PRKG1: variants seen among roughly 807,000 people sequenced by gnomAD.
The protein encoded by PRKG1 is protein kinase cGMP-dependent 1.
A neutral mutation model predicts 88.1 loss-of-function variants in PRKG1; 35 were observed. The ratio of observed to expected loss-of-function variants is 0.40; its 90% confidence interval spans 0.30 to 0.53. The LOEUF is 0.53. PRKG1 is among the 20% of genes least tolerant of loss of function. The probability of loss-of-function intolerance (pLI) is 0.59; values close to 1 mark genes in which losing one functional copy is unlikely to be tolerated. For missense variants in PRKG1, 540 were observed against 839.8 expected (o/e 0.64, Z 4.41); for synonymous variants, 303 against 292.5 (o/e 1.04, Z -0.37).
intron 3 of PRKG1, among the ~76,000 whole-genome samples, chr10:51,598,013 A>T (rs1031071713): frequency 6.6e-6 from 1 of 152,210 alleles, no homozygotes; most frequent in Non-Finnish European, 1.5e-5. Context: ...TGTTGTGCTA[A>T]TGATAATAAC....
At chr10:52,293,444 G>A (rs574916721) in intron 17 of PRKG1, among the ~76,000 whole-genome samples, 95 of 152,194 alleles carry the variant, frequency 6.2e-4, no homozygotes, top group Non-Finnish European at 1.1e-3. Context: ...AAAAGAGCCT[G>A]CATCGCCAAG....
At chr10:52,260,892 A>G (rs1372323954) in intron 10 of PRKG1, among the ~76,000 whole-genome samples, 3 of 152,090 alleles carry the variant, frequency 2.0e-5, no homozygotes, top group Non-Finnish European at 4.4e-5. Context: ...ATGAATGAAT[A>G]AACTAATTCC....
chr10:51,832,840 T>C (rs1840035922), intron 4 of PRKG1, among the ~76,000 whole-genome samples: 1 of 152,116 alleles, frequency 6.6e-6, no homozygotes. Context: ...TCAAATATTG[T>C]CTTATCGCAC....
intron 1 of PRKG1, among the ~76,000 whole-genome samples, chr10:51,143,753 C>G (rs1032096941): frequency 6.6e-6 from 1 of 151,768 alleles, no homozygotes; most frequent in East Asian, 1.9e-4. Context: ...ACTCATTGGC[C>G]ATGTTTATTT....
chr10:51,662,054 A>T (rs1564595389), intron 3 of PRKG1, among the ~76,000 whole-genome samples: 1 of 152,204 alleles, frequency 6.6e-6, no homozygotes, highest in South Asian at 2.1e-4. Flanking sequence ...AGAGCAGGGA[A>T]CATCACACAC....
rs567050675 is a variant in PRKG1 at position 51,712,454 on chromosome 10, A to G, written c.593-92131A>G. 1.4e-4 allele frequency among the ~76,000 whole-genome samples: 21 copies of G among 152,102 alleles called. No homozygotes were observed. The East Asian group carries it at 3.1e-3, about 22-fold the overall frequency. ...TTCTAAACTCTATTGACGTTTATCT[A>G]TTACAGTTATTGTCAAGTTTTGATG... On this transcript the variant is annotated intron_variant, in intron 3 of 17. Coordinates refer to ENST00000373980, the MANE Select transcript of PRKG1 (RefSeq NM_006258.4).
At position 51,808,764 on chromosome 10, in the gene PRKG1, TCTTATA is replaced by T. The variant is rs139280953; in HGVS notation, c.698+4078_698+4083del. Reference sequence around the variant, plus strand: ...CATCTACATTTTTCTGTTATAGATATCTTATACTTTATACTTTGTAAATGACTTGAA... The same window carrying T: ...CATCTACATTTTTCTGTTATAGATATCTTTATACTTTGTAAATGACTTGAA... On this transcript the variant is annotated intron_variant, in intron 4 of 17. Transcript: ENST00000373980. Among the ~76,000 whole-genome samples the T allele has an allele frequency of 3.5e-3, 529 of 152,326 alleles. 1 individual carries two copies. The highest frequency in any genetic ancestry group is 0.011 in the African/African-American group (439 of 41,578).
chr10:51,131,812 T>C (rs1845574407), intron 1 of PRKG1, among the ~76,000 whole-genome samples: 1 of 152,174 alleles, frequency 6.6e-6, no homozygotes, highest in Non-Finnish European at 1.5e-5. Flanking sequence ...GTTTAGAGAC[T>C]TTCTCACGTT....
chr10:51,215,186 G>A (rs113569086), intron 2 of PRKG1, among the ~76,000 whole-genome samples: 3,080 of 152,256 alleles, frequency 0.02, 46 homozygotes, highest in Middle Eastern at 0.051. Context: ...CATTACTGTT[G>A]TTTAAAAAGA....
At chr10:52,010,400 A>G (rs891352723) in intron 5 of PRKG1, among the ~76,000 whole-genome samples, 2 of 152,208 alleles carry the variant, frequency 1.3e-5, no homozygotes, top group Non-Finnish European at 2.9e-5. Context: ...GGATATAAAC[A>G]GACACTTTTC....
Position 51,977,136 on chromosome 10 carries a change from T to C in PRKG1, c.762+69566T>C, listed in dbSNP as rs536067491. ...CCTCCAACCACCCACAACTCTCCAATAGGCCCAAGTGTCTGCTCCCCTCTA... is the reference window on the plus strand; with the variant it reads ...CCTCCAACCACCCACAACTCTCCAACAGGCCCAAGTGTCTGCTCCCCTCTA... On this transcript the variant is annotated intron_variant, in intron 5 of 17. Coordinates refer to ENST00000373980, the MANE Select transcript of PRKG1 (RefSeq NM_006258.4). 2.6e-5 allele frequency among the ~76,000 whole-genome samples: 4 copies of C among 152,056 alleles called. No homozygotes were observed. In the South Asian group the frequency reaches 8.3e-4, roughly 32 times the overall value.
At chr10:52,055,622 G>A (rs1181375562) in intron 6 of PRKG1, among the ~76,000 whole-genome samples, 1 of 151,910 alleles carries the variant, frequency 6.6e-6, no homozygotes, top group East Asian at 1.9e-4. Flanking sequence ...TTGTGTTTGT[G>A]TCATTATATG....
At chr10:51,348,270 T>C (rs1025705924) in intron 2 of PRKG1, among the ~76,000 whole-genome samples, 5 of 152,206 alleles carry the variant, frequency 3.3e-5, no homozygotes, top group African/African-American at 1.2e-4. Context: ...TAAACCGATA[T>C]GTGCAATCAT....
rs75877881 is a variant in PRKG1, at chr10:51,698,437, G to A, written c.593-106148G>A. On this transcript the variant is annotated intron_variant, in intron 3 of 17. Coordinates refer to ENST00000373980, the MANE Select transcript of PRKG1 (RefSeq NM_006258.4). ...TCTCATGTGAGGAAGGGCCACGAGT[G>A]TCATGACCAGAGGCATGATGCATGG... 2.2e-4 allele frequency: 348 copies of A among 1,614,146 alleles called. No homozygotes were observed. In the African/African-American group the frequency reaches 3.9e-3, roughly 18 times the overall value.
intron 1 of PRKG1, among the ~76,000 whole-genome samples, chr10:51,023,480 A>G (rs1254830240): frequency 6.6e-6 from 1 of 152,222 alleles, no homozygotes; most frequent in Non-Finnish European, 1.5e-5. Context: ...CTGTCAAATG[A>G]CAGGCTTATA....
At chr10:51,232,963 A>G (rs1838885832) in intron 2 of PRKG1, among the ~76,000 whole-genome samples, 1 of 152,224 alleles carries the variant, frequency 6.6e-6, no homozygotes. Flanking sequence ...ATTTCTCTCA[A>G]GAATTTGAAC....
intron 2 of PRKG1, among the ~76,000 whole-genome samples, chr10:51,228,299 G>A (rs1050032652): frequency 2.0e-5 from 3 of 152,150 alleles, no homozygotes; most frequent in African/African-American, 7.2e-5. Context: ...GAGAAGCTGA[G>A]GTTATGGGGC....
intron 17 of PRKG1, among the ~76,000 whole-genome samples, chr10:52,291,254 A>AT (rs56884749): frequency 0.75 from 113,562 of 150,484 alleles, 43,893 homozygotes; most frequent in African/African-American, 0.92. Context: ...TTATTTTTTT[A>AT]TTTTTTTATT....
At chr10:51,487,248 A>G (rs985658440) in intron 3 of PRKG1, among the ~76,000 whole-genome samples, 1 of 152,204 alleles carries the variant, frequency 6.6e-6, no homozygotes, top group African/African-American at 2.4e-5. Context: ...GAAAATAAGA[A>G]TACATGTTTA....
Sources: allele counts gnomAD v4.1 joint callset (sites outside exome capture counted in the v4.1 genomes callset), GRCh38; gene constraint gnomAD v4.1.1; transcripts MANE v1.5; gene names NCBI Gene and HGNC (gene_info 2026-07-23, HGNC 2026-07-21).